Variants in UMOD observed in about 807,000 individuals in gnomAD.
The protein encoded by UMOD is Tamm-Horsfall urinary glycoprotein.
A neutral mutation model predicts 66.0 loss-of-function variants in UMOD; 64 were observed. The ratio of observed to expected loss-of-function variants is 0.97; its 90% CI spans 0.79 to 1.19. UMOD has a LOEUF of 1.19. Among genes scored for constraint, UMOD ranks in the 50% most tolerant of loss-of-function variants. UMOD has a pLI of 0.00. For synonymous variants in UMOD, 398 were observed against 352.7 expected (o/e 1.13, Z -1.44); for missense variants, 764 against 850.9 (o/e 0.90, Z 1.27).
intron 7 of UMOD, among the ~76,000 whole-genome samples, chr16:20,339,390 T>A (rs948796669): frequency 6.6e-6 from 1 of 152,262 alleles, no homozygotes; most frequent in African/African-American, 2.4e-5. Flanking sequence ...ACTAGAAGAA[T>A]CTTTAGGTCA....
At chr16:20,350,896 G>T (rs1965858265) in intron 1 of UMOD, 57 bp from the exon 2 acceptor site, 1 of 1,495,370 alleles carries the variant, frequency 6.7e-7, no homozygotes, top group Admixed American at 2.0e-5. Context: ...CCCACAGCTG[G>T]AAGGAGTGCT....
chr16:20,333,116 C>G lies in UMOD; in HGVS notation c.*198G>C. The G allele has an allele frequency of 1.6e-6, 1 of 629,082 alleles. No individual in the cohort carries two copies. The highest frequency in any genetic ancestry group is 2.9e-6 in the Non-Finnish European group (1 of 342,540). The allele number at this position is 629,082 out of a possible 1,614,324, so 39.0% of individuals were successfully genotyped here. ...GATGGGGGCCTCAGGTACACCGTCA[C>G]AAGTCCCATTTTGAGAAAAAGCAGC... On this transcript the variant is annotated 3_prime_UTR_variant, in exon 11 of 11. Transcript: ENST00000396138.
Position 20,348,391 on chromosome 16 carries a change from C to A in UMOD, c.865+45G>T. 1.9e-6 allele frequency: 3 copies of A among 1,614,114 alleles called. No individual in the cohort carries two copies. In the African/African-American group the frequency reaches 4.0e-5, roughly 22 times the overall value. On this transcript the variant is annotated intron_variant, in intron 3 of 10. Transcript: ENST00000396138. ...GGACGCACCCCCGTCCTCTGCAGTGCCTTTCCAGGCCTGGGATGAGGACTG... is the reference window on the plus strand; with the variant it reads ...GGACGCACCCCCGTCCTCTGCAGTGACTTTCCAGGCCTGGGATGAGGACTG...
chr16:20,333,506 A>G, intron 10 of UMOD, 131 bp from the exon 11 acceptor site: 1 of 847,562 alleles, frequency 1.2e-6, no homozygotes, highest in Non-Finnish European at 1.9e-6. Flanking sequence ...TAGAAAAAGG[A>G]AGCTTCCTCC....
chr16:20,334,897 T>A (rs898775473), intron 10 of UMOD, among the ~76,000 whole-genome samples: 1 of 151,236 alleles, frequency 6.6e-6, no homozygotes, highest in African/African-American at 2.4e-5. Context: ...AGTGGCGTGA[T>A]CTTGGCTCAC....
At chr16:20,340,998 A>C in intron 7 of UMOD, 93 bp downstream of exon 7, 1 of 1,417,606 alleles carries the variant, frequency 7.1e-7, no homozygotes, top group East Asian at 2.5e-5. Context: ...TGTCAAAAAA[A>C]AAAAAAAAAA....
rs34049357 is a variant in UMOD at position 20,343,151 on chromosome 16, A to ATAAATAAATAAATAAATAAATAATTAAT, written c.1331+872_1331+873insATTAATTATTTATTTATTTATTTATTTA. On this transcript the variant is annotated intron_variant, in intron 6 of 10. Transcript: ENST00000396138. Reference sequence around the variant, plus strand: ...TCTCAATAAATAAATAAATAAATAAATAAATAATCAATAAATCTTATTTCT... The same window carrying ATAAATAAATAAATAAATAAATAATTAAT: ...TCTCAATAAATAAATAAATAAATAAATAAATAAATAAATAAATAAATAATTAATTAAATAATCAATAAATCTTATTTCT... Among the ~76,000 whole-genome samples the ATAAATAAATAAATAAATAAATAATTAAT allele has an allele frequency of 5.9e-5, 9 of 151,440 alleles. No individual in the cohort carries two copies. The East Asian group carries it at 1.5e-3, about 26-fold the overall frequency.
chr16:20,333,917 C>T (rs1458597500), intron 10 of UMOD, among the ~76,000 whole-genome samples: 1 of 151,674 alleles, frequency 6.6e-6, no homozygotes, highest in African/African-American at 2.4e-5. Context: ...GCCTGTAGTT[C>T]CAGCTACTGG....
At chr16:20,349,423 T>A (rs568683008) in intron 2 of UMOD, among the ~76,000 whole-genome samples, 23 of 152,374 alleles carry the variant, frequency 1.5e-4, no homozygotes, top group African/African-American at 5.0e-4. Flanking sequence ...TTGTATTTTT[T>A]AACTTTATTT....
intron 1 of UMOD, among the ~76,000 whole-genome samples, chr16:20,352,017 C>A (rs151007505): frequency 0.011 from 1,618 of 141,106 alleles, 47 homozygotes; most frequent in African/African-American, 0.044. Context: ...CCATCCCCCC[C>A]CCCCAAAAAA....
Position 20,337,449 on chromosome 16 carries a change from G to T in UMOD, c.1582C>A (p.Pro528Thr). 1 of 1,614,128 alleles carries T rather than the reference G, an allele frequency of 6.2e-7. No homozygotes were observed. The highest frequency in any genetic ancestry group is 8.5e-7 in the Non-Finnish European group (1 of 1,180,034). ...LKYFIIQDRC[P>T]HTRDSTIQVV... ...TGGATAGTTGAGTCTCTAGTGTGTG[G>T]GCATCTGGGAGGGTTACACATCATT... The change falls in exon 8 of 11, where the codon CCA becomes ACA. Residue 528 changes from proline to threonine, a missense_variant. Coordinates refer to ENST00000396138, the MANE Select transcript of UMOD (RefSeq NM_003361.4).
chr16:20,353,911 C>T (rs531168161), upstream of UMOD, among the ~76,000 whole-genome samples: 2 of 152,300 alleles, frequency 1.3e-5, no homozygotes, highest in Admixed American at 6.5e-5. Flanking sequence ...CCCCGCTCCC[C>T]GCATCCCACA....
At chr16:20,352,434 G>T in intron 1 of UMOD, 1 of 363,206 alleles carries the variant, frequency 2.8e-6, no homozygotes, top group East Asian at 4.0e-5. Context: ...TTGTAACCCT[G>T]GTACCTGGCA....
intron 1 of UMOD, among the ~76,000 whole-genome samples, chr16:20,351,931 T>C (rs1965914320): frequency 6.6e-6 from 1 of 151,186 alleles, no homozygotes; most frequent in Non-Finnish European, 1.5e-5. Context: ...GACAGGAGGA[T>C]TGCTTGAACC....
In UMOD at chr16:20,344,063, A is replaced by G; in HGVS notation, c.1292T>C (p.Met431Thr). The change falls in exon 6 of 11, where the codon ATG becomes ACG. Residue 431 changes from methionine to threonine, a missense_variant. Met to Thr is a moderately conservative substitution (Grantham distance 81). Coordinates refer to ENST00000396138, the MANE Select transcript of UMOD (RefSeq NM_003361.4). Reference sequence around the variant, plus strand: ...TAGGGCGGTCTTCAGGCTGACTTTCATGTCCAGGGGGTAGGAGCATGCAAA... The same window carrying G: ...TAGGGCGGTCTTCAGGCTGACTTTCGTGTCCAGGGGGTAGGAGCATGCAAA... ...INFACSYPLD[M>T]KVSLKTALQP... is the part of the protein sequence containing the mutation. 1.2e-6 allele frequency: 2 copies of G among 1,613,676 alleles called. No homozygotes were observed. Among genetic ancestry groups the G allele is most frequent in the Admixed American group, 1.7e-5 (1 of 59,968 alleles).
chr16:20,345,458 CT>C (rs1965510066), intron 5 of UMOD, among the ~76,000 whole-genome samples: 1 of 101,542 alleles, frequency 9.8e-6, no homozygotes, highest in Non-Finnish European at 1.9e-5. Context: ...TTCTTCCTTT[CT>C]TTCCTTCCTT....
rs1596540768 is a variant in UMOD, at chr16:20,337,335, A to C, written c.1696T>G (p.Cys566Gly). ...AGNYDLVYLH[C>G]EVYLCDTMNE... Reference sequence around the variant, plus strand: ...ATGGTGTCACAGAGATAGACTTCACAGTGCAGGTAGACTAGGTCATAGTTT... The same window carrying C: ...ATGGTGTCACAGAGATAGACTTCACCGTGCAGGTAGACTAGGTCATAGTTT... Residue 566 changes from cysteine to glycine, a missense_variant, in exon 8 of 11, where the codon TGT becomes GGT. Transcript: ENST00000396138. 6.2e-7 allele frequency: 1 copy of C among 1,614,234 alleles called. No homozygotes were observed. The highest frequency in any genetic ancestry group is 2.2e-5 in the East Asian group (1 of 44,890).
Position 20,346,144 on chromosome 16 carries a change from G to A in UMOD, c.1164C>T (p.Pro388=). 6.2e-7 allele frequency: 1 copy of A among 1,614,052 alleles called. No individual in the cohort carries two copies. The highest frequency in any genetic ancestry group is 8.5e-7 in the Non-Finnish European group (1 of 1,180,042). The change falls in exon 5 of 11, where the codon CCC becomes CCT. Residue 388 remains proline, a synonymous_variant. Transcript: ENST00000396138. The part of the protein sequence containing the change: ...VSVVTPARDG[P]CGTVLTRNET... ...GACGTACCGTCAACACTGTCCCACA[G>A]GGGCCATCCCGGGCTGGGGTCACTA... is the stretch of plus-strand genomic sequence containing the variant.
intron 10 of UMOD, among the ~76,000 whole-genome samples, chr16:20,334,243 G>C (rs1964754829): frequency 6.6e-6 from 1 of 151,930 alleles, no homozygotes; most frequent in East Asian, 1.9e-4. Context: ...TTTGGCCGTT[G>C]TGTTTGCCCC....
Sources: allele counts gnomAD v4.1 joint callset (sites outside exome capture counted in the v4.1 genomes callset), GRCh38; gene constraint gnomAD v4.1.1; transcripts MANE v1.5; gene names NCBI Gene and HGNC (gene_info 2026-07-23, HGNC 2026-07-21).